HOMER2: variants seen among roughly 807,000 people sequenced by gnomAD.
HOMER2 encodes the protein homer scaffold protein 2.
A neutral mutation model predicts 47.0 loss-of-function variants in HOMER2; 27 were observed. The ratio of observed to expected loss-of-function variants is 0.57; its 90% CI spans 0.42 to 0.79. HOMER2 has a LOEUF of 0.79. HOMER2 is among the 30% of genes least tolerant of loss of function. The pLI is 0.00. For missense variants in HOMER2, 443 were observed against 435.0 expected (o/e 1.02, Z -0.16); for synonymous variants, 161 against 163.8 (o/e 0.98, Z 0.13).
chr15:82,843,939 T>A (rs1452077072), exon 2 of HOMER2: 1 of 152,222 alleles, frequency 6.6e-6, no homozygotes, highest in Non-Finnish European at 1.5e-5. Context: ...GGTTTATTTT[T>A]TTTATTCATG....
At chr15:82,880,865 T>C (rs929383276) in intron 2 of HOMER2, among the ~76,000 whole-genome samples, 1 of 151,434 alleles carries the variant, frequency 6.6e-6, no homozygotes, top group Non-Finnish European at 1.5e-5. Context: ...GGTGAAGGAG[T>C]TGGCAGTACA....
At chr15:82,907,335 C>T (rs111553671) in intron 1 of HOMER2, among the ~76,000 whole-genome samples, 8,718 of 148,436 alleles carry the variant, frequency 0.059, 583 homozygotes, top group African/African-American at 0.17. Context: ...CCAGCCTGGG[C>T]GACAGAGCCA....
downstream of HOMER2, chr15:82,845,217 T>TAC (rs1567006473): frequency 2.2e-5 from 2 of 89,252 alleles, no homozygotes; most frequent in South Asian, 8.7e-4. Flanking sequence ...TTGCTGTTTC[T>TAC]TCACACACAC....
intron 1 of HOMER2, chr15:82,952,036 C>T: frequency 2.0e-6 from 2 of 984,488 alleles, no homozygotes; most frequent in Non-Finnish European, 2.4e-6. Flanking sequence ...CTTCCATCAT[C>T]TTCAGCATCT....
At position 82,913,660 on chromosome 15, in the gene HOMER2, T is replaced by C. The variant is rs1409628620; in HGVS notation, c.6-20819A>G. ...AGACAGCAGATCACACAGTCAAGCT[T>C]TGCATGCCTTAGGAAATGTTCTTGC... is the stretch of plus-strand genomic sequence containing the variant. On this transcript the variant is annotated intron_variant, in intron 1 of 8. Coordinates refer to ENST00000450735, the MANE Select transcript of HOMER2 (RefSeq NM_004839.4). The surrounding 1 kb of genome is among the most constrained non-coding windows in gnomAD (Gnocchi z 4.1). Among the ~76,000 whole-genome samples the C allele has an allele frequency of 6.6e-6, 1 of 152,192 alleles. No homozygotes were observed. Among genetic ancestry groups the C allele is most frequent in the African/African-American group, 2.4e-5 (1 of 41,444 alleles).
At chr15:82,881,179 A>G (rs141080034) in intron 2 of HOMER2, among the ~76,000 whole-genome samples, 81 of 152,342 alleles carry the variant, frequency 5.3e-4, no homozygotes, top group African/African-American at 1.9e-3. Flanking sequence ...CCACCCTAGT[A>G]AAAGACCCAG....
chr15:82,873,895 G>A (rs756445911), intron 3 of HOMER2, among the ~76,000 whole-genome samples: 19 of 152,210 alleles, frequency 1.2e-4, no homozygotes, highest in Non-Finnish European at 2.6e-4. Context: ...GTGTGTGTGC[G>A]TGCACACATA....
At chr15:82,880,427 CTAAT>C (rs931504813) in intron 2 of HOMER2, among the ~76,000 whole-genome samples, 14 of 152,126 alleles carry the variant, frequency 9.2e-5, no homozygotes, top group African/African-American at 3.4e-4. Context: ...GGGAGAGCAT[CTAAT>C]TAGGGAAAGG....
intron 1 of HOMER2, among the ~76,000 whole-genome samples, chr15:82,941,923 A>G (rs573672847): frequency 6.6e-6 from 1 of 152,304 alleles, no homozygotes; most frequent in African/African-American, 2.4e-5. Context: ...AAGCTCAAAG[A>G]AGGTCAGCAC....
intron 2 of HOMER2, among the ~76,000 whole-genome samples, chr15:82,890,927 ATG>A (rs975859689): frequency 6.6e-6 from 1 of 152,108 alleles, no homozygotes; most frequent in African/African-American, 2.4e-5. Flanking sequence ...TGGCATCACT[ATG>A]TCTCTCAGAA....
chr15:82,927,298 G>T (rs961585067), intron 1 of HOMER2, among the ~76,000 whole-genome samples: 1 of 150,042 alleles, frequency 6.7e-6, no homozygotes, highest in Admixed American at 6.6e-5. Flanking sequence ...CAAAAGGCAA[G>T]AATTCTTGTC....
intron 1 of HOMER2, among the ~76,000 whole-genome samples, chr15:82,931,785 C>A (rs1474206269): frequency 6.6e-6 from 1 of 152,274 alleles, no homozygotes; most frequent in South Asian, 2.1e-4. Flanking sequence ...TTGCCATGAG[C>A]CGAGATCGCG....
At chr15:82,859,285 C>A in intron 4 of HOMER2, 150 bp from the exon 5 acceptor site, 12 of 995,434 alleles carry the variant, frequency 1.2e-5, no homozygotes, top group South Asian at 1.7e-5. Context: ...CAGAATGCAG[C>A]AAAGACTAAC....
chr15:82,908,608 A>C (rs1424096425), intron 1 of HOMER2, among the ~76,000 whole-genome samples: 2 of 152,170 alleles, frequency 1.3e-5, no homozygotes, highest in East Asian at 3.8e-4. Context: ...TTTTCTGTCC[A>C]TACATACTCA....
chr15:82,947,845 G>A (rs988788203), intron 1 of HOMER2, among the ~76,000 whole-genome samples: 4 of 152,224 alleles, frequency 2.6e-5, no homozygotes, highest in African/African-American at 9.7e-5. Flanking sequence ...ACTGTGCTAG[G>A]TGTTGGAATA....
intron 1 of HOMER2, among the ~76,000 whole-genome samples, chr15:82,963,685 G>A (rs1202526142): frequency 6.6e-6 from 1 of 152,190 alleles, no homozygotes; most frequent in Non-Finnish European, 1.5e-5. Flanking sequence ...AGAATGAACT[G>A]GAGTGTTCCA....
chr15:82,895,335 A>G (rs1277181213), intron 1 of HOMER2, among the ~76,000 whole-genome samples: 1 of 152,226 alleles, frequency 6.6e-6, no homozygotes, highest in Non-Finnish European at 1.5e-5. Flanking sequence ...AAACAAAAGG[A>G]AGATTCTCAC....
At chr15:82,936,611 C>T (rs564747459) in intron 1 of HOMER2, among the ~76,000 whole-genome samples, 1 of 152,304 alleles carries the variant, frequency 6.6e-6, no homozygotes, top group African/African-American at 2.4e-5. Context: ...CTTGCTCTGT[C>T]ACCCAGACTG....
chr15:82,915,169 A>C (rs1381005323), intron 1 of HOMER2, among the ~76,000 whole-genome samples: 1 of 152,080 alleles, frequency 6.6e-6, no homozygotes, highest in Non-Finnish European at 1.5e-5. Context: ...CAACTGCTGA[A>C]AGAATTCTGG....
Sources: allele counts gnomAD v4.1 joint callset (sites outside exome capture counted in the v4.1 genomes callset), GRCh38; gene constraint gnomAD v4.1.1; non-coding constraint Gnocchi (gnomAD v3.1); transcripts MANE v1.5; gene names NCBI Gene and HGNC (gene_info 2026-07-23, HGNC 2026-07-21).